The following EBF1 variants were observed in gnomAD, a reference collection of about 807,000 sequenced individuals.
EBF1 encodes the protein transcription factor COE1.
A neutral mutation model predicts 68.4 loss-of-function variants in EBF1; 10 were observed. That is an observed-to-expected ratio of 0.15 (90% CI 0.09 to 0.25). EBF1 has a LOEUF of 0.25. EBF1 is among the 10% of genes least tolerant of loss of function. The probability of loss-of-function intolerance (pLI) is 1.00; values close to 1 mark genes in which losing one functional copy is unlikely to be tolerated. For synonymous variants in EBF1, 298 were observed against 299.8 expected (o/e 0.99, Z 0.06); for missense variants, 509 against 794.4 (o/e 0.64, Z 4.32).
chr5:158,996,949 T>C (rs894967831), intron 6 of EBF1, among the ~76,000 whole-genome samples: 1 of 152,196 alleles, frequency 6.6e-6, no homozygotes, highest in African/African-American at 2.4e-5. Flanking sequence ...GTCAGTGGCA[T>C]AGGGAGGCCA....
chr5:158,770,677 C>T (rs1581730915), intron 10 of EBF1, among the ~76,000 whole-genome samples: 1 of 152,052 alleles, frequency 6.6e-6, no homozygotes, highest in Non-Finnish European at 1.5e-5. Context: ...TCATTTGCTC[C>T]CTCTGCTGGA....
intron 6 of EBF1, among the ~76,000 whole-genome samples, chr5:158,976,164 G>GTA (rs1286625174): frequency 2.0e-5 from 3 of 152,172 alleles, no homozygotes; most frequent in Non-Finnish European, 4.4e-5. Flanking sequence ...ACATAGCAAA[G>GTA]TAGTGATTCA....
At chr5:158,958,505 C>T (rs1817570173) in intron 6 of EBF1, among the ~76,000 whole-genome samples, 1 of 152,086 alleles carries the variant, frequency 6.6e-6, no homozygotes, top group Non-Finnish European at 1.5e-5. Flanking sequence ...ACTTCCTTCC[C>T]GCCCTGCCCT....
chr5:158,812,397 C>T (rs1471816835), intron 8 of EBF1, among the ~76,000 whole-genome samples: 1 of 152,056 alleles, frequency 6.6e-6, no homozygotes, highest in Non-Finnish European at 1.5e-5. Flanking sequence ...CGACCTAGCC[C>T]CCATTTCAGC....
chr5:159,078,477 G>A (rs1473179659), intron 5 of EBF1, among the ~76,000 whole-genome samples: 1 of 152,204 alleles, frequency 6.6e-6, no homozygotes, highest in Non-Finnish European at 1.5e-5. Flanking sequence ...CCTCATTACT[G>A]TGTGACTGAT....
Position 158,695,937 on chromosome 5 carries a change from C to CTT in EBF1, c.*3172_*3173dup, listed in dbSNP as rs1755698577. 5.5e-6 allele frequency: 1 copy of CTT among 181,304 alleles called. No individual in the cohort carries two copies. Among genetic ancestry groups the CTT allele is most frequent in the Non-Finnish European group, 1.2e-5 (1 of 86,328 alleles). The allele number at this position is 181,304 out of a possible 1,614,324, so 11.2% of individuals were successfully genotyped here. A position where few individuals can be genotyped will look rare whatever the true frequency, so the allele number is the denominator to read the frequency against. On this transcript the variant is annotated 3_prime_UTR_variant, in exon 16 of 16. Coordinates refer to ENST00000313708, the MANE Select transcript of EBF1 (RefSeq NM_024007.5). ...AGCTGCCATCACAGACAGGAAGTAA[C>CTT]TTTAATTAAATATTGTGAAAGTTGA...
intron 9 of EBF1, 106 bp from the exon 10 acceptor site, chr5:158,777,645 G>T: frequency 8.4e-7 from 1 of 1,193,902 alleles, no homozygotes; most frequent in Non-Finnish European, 1.1e-6. Flanking sequence ...TAATTAACCT[G>T]TCTATGTTTA....
intron 6 of EBF1, among the ~76,000 whole-genome samples, chr5:158,936,009 T>C (rs533729311): frequency 3.2e-4 from 49 of 152,320 alleles, no homozygotes; most frequent in African/African-American, 9.4e-4. Context: ...TGCTACTGGA[T>C]TAGAAAATAT....
At chr5:158,811,263 A>T (rs747983696) in intron 8 of EBF1, among the ~76,000 whole-genome samples, 40 of 152,182 alleles carry the variant, frequency 2.6e-4, no homozygotes, top group Non-Finnish European at 5.9e-4. Context: ...GGGATTTAGC[A>T]TAGATCTGGC....
At chr5:158,711,144 G>A (rs1005798721) in intron 14 of EBF1, among the ~76,000 whole-genome samples, 1 of 152,038 alleles carries the variant, frequency 6.6e-6, no homozygotes. Context: ...CAGATTTCTG[G>A]AAAAGTGTTT....
intron 6 of EBF1, among the ~76,000 whole-genome samples, chr5:158,995,042 C>T (rs1332808749): frequency 6.6e-6 from 1 of 152,136 alleles, no homozygotes; most frequent in Non-Finnish European, 1.5e-5. Flanking sequence ...AATTGGTTAC[C>T]CTCTGCTTTG....
chr5:158,712,867 T>G (rs1465191372), intron 13 of EBF1, 103 bp downstream of exon 13: 1 of 1,177,506 alleles, frequency 8.5e-7, no homozygotes, highest in African/African-American at 1.6e-5. Context: ...AATCTCCCTT[T>G]TGGGATGAAA....
chr5:159,088,252 T>C (rs1385892251), intron 4 of EBF1, among the ~76,000 whole-genome samples: 1 of 152,112 alleles, frequency 6.6e-6, no homozygotes, highest in Non-Finnish European at 1.5e-5. Context: ...CATAGGAATA[T>C]ATAATAAATT....
intron 11 of EBF1, among the ~76,000 whole-genome samples, chr5:158,722,718 C>T (rs1030787878): frequency 5.9e-5 from 9 of 152,160 alleles, no homozygotes; most frequent in African/African-American, 2.2e-4. Context: ...ACAGATGGTC[C>T]TGAGTATAAC....
At chr5:159,038,295 C>T (rs952110012) in intron 6 of EBF1, among the ~76,000 whole-genome samples, 4 of 152,062 alleles carry the variant, frequency 2.6e-5, no homozygotes, top group Non-Finnish European at 4.4e-5. Context: ...GGAAACCCAC[C>T]CTACTCTGAC....
chr5:158,916,003 G>A (rs1461523421), intron 6 of EBF1, among the ~76,000 whole-genome samples: 1 of 152,124 alleles, frequency 6.6e-6, no homozygotes, highest in African/African-American at 2.4e-5. Flanking sequence ...GCCTTTTCAT[G>A]CCTTCAACAC....
At chr5:158,860,783 G>A (rs562520126) in intron 6 of EBF1, among the ~76,000 whole-genome samples, 2 of 152,284 alleles carry the variant, frequency 1.3e-5, no homozygotes, top group East Asian at 3.9e-4. Context: ...TTGCGTCTCT[G>A]TTGCATGTGT....
intron 6 of EBF1, among the ~76,000 whole-genome samples, chr5:158,845,705 G>GAAAAA (rs374702772): frequency 2.2e-5 from 3 of 138,278 alleles, no homozygotes; most frequent in African/African-American, 5.4e-5. Context: ...CCTACAAAAA[G>GAAAAA]AAAAAAAAAA....
At chr5:158,839,590 C>A (rs1789699300) in intron 7 of EBF1, among the ~76,000 whole-genome samples, 1 of 152,082 alleles carries the variant, frequency 6.6e-6, no homozygotes, top group Non-Finnish European at 1.5e-5. Context: ...ACCATGTTGG[C>A]CAGGCTGGTC....
Sources: allele counts gnomAD v4.1 joint callset (sites outside exome capture counted in the v4.1 genomes callset), GRCh38; gene constraint gnomAD v4.1.1; transcripts MANE v1.5; gene names NCBI Gene and HGNC (gene_info 2026-07-23, HGNC 2026-07-21).